TMEM255B: variants seen among roughly 807,000 people sequenced by gnomAD.
The protein encoded by TMEM255B is family with sequence similarity 70, member B.
A neutral mutation model predicts 34.5 loss-of-function variants in TMEM255B; 35 were observed. The observed-to-expected ratio is 1.01, with a 90% CI of 0.77 to 1.34. TMEM255B has a LOEUF of 1.34. Among genes scored for constraint, TMEM255B ranks in the 40% most tolerant of loss-of-function variants. The pLI is 0.00. For missense variants in TMEM255B, 432 were observed against 433.2 expected (o/e 1.00, Z 0.02); for synonymous variants, 206 against 201.2 (o/e 1.02, Z -0.20).
Position 113,814,401 on chromosome 13 carries a change from CTT to C in TMEM255B, c.*2501_*2502del, listed in dbSNP as rs2051381566. On this transcript the variant is annotated 3_prime_UTR_variant, in exon 9 of 9. Transcript: ENST00000375353. ...CAAACACAACATCGATCTTTCCCGA[CTT>C]TTAATCTTGTCTAGAGTCAAAAGCT... 1 of 152,300 alleles carries C rather than the reference CTT, an allele frequency of 6.6e-6. No homozygotes were observed. Among genetic ancestry groups the C allele is most frequent in the Admixed American group, 6.5e-5 (1 of 15,290 alleles). 9.4% of individuals were successfully genotyped at this position (152,300 alleles called of 1,614,324 possible).
chr13:113,768,153 C>T (rs2050419887), intron 2 of TMEM255B: 2 of 467,044 alleles, frequency 4.3e-6, no homozygotes, highest in Non-Finnish European at 8.9e-6. Flanking sequence ...TTCCAACAGA[C>T]ACTCACTGGG....
intron 3 of TMEM255B, among the ~76,000 whole-genome samples, chr13:113,774,056 G>C (rs1161676347): frequency 1.4e-4 from 21 of 152,040 alleles, no homozygotes; most frequent in African/African-American, 5.1e-4. Flanking sequence ...ACATACAAGG[G>C]TGAAGAAAAT....
Position 113,812,117 on chromosome 13 carries a change from T to C in TMEM255B, c.*214T>C, listed in dbSNP as rs9577879. 0.077 allele frequency: 47,096 copies of C among 611,154 alleles called. 2,272 individuals carry two copies. Among genetic ancestry groups the C allele is most frequent in the Admixed American group, 0.15 (4,563 of 29,722 alleles). 37.9% of individuals were successfully genotyped at this position (611,154 alleles called of 1,614,324 possible). Reference sequence around the variant, plus strand: ...GACCCAGGCTGGTGACACCTTGGCTTGGGCTCTGCTCACATCAAATGGCGC... The same window carrying C: ...GACCCAGGCTGGTGACACCTTGGCTCGGGCTCTGCTCACATCAAATGGCGC... On this transcript the variant is annotated 3_prime_UTR_variant, in exon 9 of 9. Transcript: ENST00000375353.
intron 1 of TMEM255B, among the ~76,000 whole-genome samples, chr13:113,765,621 C>G (rs543320075): frequency 1.4e-4 from 21 of 152,280 alleles, no homozygotes; most frequent in Admixed American, 5.2e-4. Context: ...TAAAGCAAAA[C>G]AGATGGCACA....
chr13:113,778,634 T>C (rs1425996138), intron 3 of TMEM255B, among the ~76,000 whole-genome samples: 1 of 151,800 alleles, frequency 6.6e-6, no homozygotes, highest in Non-Finnish European at 1.5e-5. Context: ...TGTAATGATA[T>C]GACGATGATC....
intron 6 of TMEM255B, among the ~76,000 whole-genome samples, chr13:113,801,441 T>C (rs2051058635): frequency 1.3e-5 from 2 of 152,186 alleles, no homozygotes; most frequent in Non-Finnish European, 2.9e-5. Context: ...TGCCGCTCTT[T>C]GCCACTGTGG....
intron 3 of TMEM255B, among the ~76,000 whole-genome samples, chr13:113,784,350 T>C (rs2050708576): frequency 6.6e-6 from 1 of 152,094 alleles, no homozygotes; most frequent in African/African-American, 2.4e-5. Context: ...ATCCCACTGG[T>C]CCTCTGAGGA....
intron 2 of TMEM255B, among the ~76,000 whole-genome samples, chr13:113,766,956 G>T (rs183192065): frequency 6.6e-6 from 1 of 152,332 alleles, no homozygotes; most frequent in African/African-American, 2.4e-5. Context: ...GTTAGTAAAA[G>T]AATTCTCCTA....
intron 3 of TMEM255B, among the ~76,000 whole-genome samples, chr13:113,781,802 G>A (rs561056384): frequency 1.8e-3 from 269 of 152,152 alleles, no homozygotes; most frequent in African/African-American, 6.3e-3. Context: ...TTATGACTAC[G>A]CAGACAAGCT....
chr13:113,808,132 A>G (rs1013790768), intron 8 of TMEM255B, among the ~76,000 whole-genome samples: 5 of 152,264 alleles, frequency 3.3e-5, no homozygotes, highest in Admixed American at 6.5e-5. Flanking sequence ...CTGCTTCCAC[A>G]GAGATGGAGA....
At chr13:113,766,708 G>A (rs1054714540) in intron 2 of TMEM255B, among the ~76,000 whole-genome samples, 1 of 152,196 alleles carries the variant, frequency 6.6e-6, no homozygotes, top group East Asian at 1.9e-4. Context: ...ATAGCCCATG[G>A]AAGGGGAAAG....
rs1566342299 is a variant in TMEM255B at position 113,812,982 on chromosome 13, T to TGGGTCACGGGCCCCGGGTGGGTCACGGGC, written c.*1079_*1080insGGGTCACGGGCCCCGGGTGGGTCACGGGC. 3.6e-5 allele frequency: 4 copies of TGGGTCACGGGCCCCGGGTGGGTCACGGGC among 110,700 alleles called. 1 individual carries two copies. Among genetic ancestry groups the TGGGTCACGGGCCCCGGGTGGGTCACGGGC allele is most frequent in the Non-Finnish European group, 7.2e-5 (4 of 55,488 alleles). 6.9% of individuals were successfully genotyped at this position (110,700 alleles called of 1,614,324 possible). ...TCACGGGCCCCGGGTGGGTCACGGG[T>TGGGTCACGGGCCCCGGGTGGGTCACGGGC]CCCGGGTGGGTCACGGGTCCCGAGT... On this transcript the variant is annotated 3_prime_UTR_variant, in exon 9 of 9. Coordinates refer to ENST00000375353, the MANE Select transcript of TMEM255B (RefSeq NM_182614.4).
chr13:113,766,302 G>T lies in TMEM255B; in HGVS notation c.189+45G>T, dbSNP rs773668538. ...GGCCTGGGCCGGGGAGGGCAGGGTGGTGTGTGGCTCTCTCAGGGTGGAGTC... is the reference window on the plus strand; with the variant it reads ...GGCCTGGGCCGGGGAGGGCAGGGTGTTGTGTGGCTCTCTCAGGGTGGAGTC... On this transcript the variant is annotated intron_variant, in intron 2 of 8. Coordinates refer to ENST00000375353, the MANE Select transcript of TMEM255B (RefSeq NM_182614.4). 1.9e-6 allele frequency: 3 copies of T among 1,611,818 alleles called. No individual in the cohort carries two copies. In the South Asian group the frequency reaches 3.3e-5, roughly 18 times the overall value.
intron 7 of TMEM255B, among the ~76,000 whole-genome samples, chr13:113,804,008 G>A (rs2051116437): frequency 2.7e-5 from 1 of 37,722 alleles, no homozygotes; most frequent in Non-Finnish European, 4.9e-5. Flanking sequence ...ATCTTCCCCT[G>A]GCTTCCTCCA....
At chr13:113,762,643 G>T (rs919782128) in intron 1 of TMEM255B, among the ~76,000 whole-genome samples, 1 of 152,206 alleles carries the variant, frequency 6.6e-6, no homozygotes, top group Non-Finnish European at 1.5e-5. Flanking sequence ...GCATGTTACC[G>T]ATTGACTTGA....
chr13:113,800,299 C>CTGTGTGTGTGTG (rs1491395254), intron 5 of TMEM255B, among the ~76,000 whole-genome samples: 7 of 62,644 alleles, frequency 1.1e-4, no homozygotes, highest in African/African-American at 1.6e-4. Context: ...GGGAGGCGTC[C>CTGTGTGTGTGTG]TCTGTGTGTG....
chr13:113,776,450 C>T (rs1336208058), intron 3 of TMEM255B, among the ~76,000 whole-genome samples: 1 of 152,194 alleles, frequency 6.6e-6, no homozygotes, highest in East Asian at 1.9e-4. Context: ...TTCCTGTCGT[C>T]CTCCCGACAG....
chr13:113,781,558 C>T (rs1279332734), intron 3 of TMEM255B, among the ~76,000 whole-genome samples: 1 of 152,126 alleles, frequency 6.6e-6, no homozygotes, highest in East Asian at 1.9e-4. Context: ...GACCTTGGTA[C>T]GTTTGGGATT....
Position 113,813,593 on chromosome 13 carries a change from G to T in TMEM255B, c.*1690G>T, listed in dbSNP as rs532768721. Reference sequence around the variant, plus strand: ...TCACACAGCCTCTGCCCCCTCCGCTGCCCGGGAGCCTCCCTCTGCCCGACG... The same window carrying T: ...TCACACAGCCTCTGCCCCCTCCGCTTCCCGGGAGCCTCCCTCTGCCCGACG... On this transcript the variant is annotated 3_prime_UTR_variant, in exon 9 of 9. Transcript: ENST00000375353. 2.0e-5 allele frequency: 3 copies of T among 148,956 alleles called. No individual in the cohort carries two copies. The highest frequency in any genetic ancestry group is 7.3e-5 in the African/African-American group (3 of 41,118). The allele number at this position is 148,956 out of a possible 1,614,324, so 9.2% of individuals were successfully genotyped here.
Sources: allele counts gnomAD v4.1 joint callset (sites outside exome capture counted in the v4.1 genomes callset), GRCh38; gene constraint gnomAD v4.1.1; transcripts MANE v1.5; gene names NCBI Gene and HGNC (gene_info 2026-07-23, HGNC 2026-07-21).